COL11A2: variants seen among roughly 807,000 people sequenced by gnomAD.
The protein encoded by COL11A2 is collagen type XI alpha 2 chain.
COL11A2 carries 116 observed loss-of-function variants against 273.4 expected under a neutral mutation model. The ratio of observed to expected loss-of-function variants is 0.42; its 90% confidence interval spans 0.36 to 0.49. The LOEUF (loss-of-function observed/expected upper bound fraction) is 0.49. Among genes scored for constraint, COL11A2 ranks in the 20% least tolerant of loss-of-function variants. The pLI, the probability that COL11A2 is intolerant of heterozygous loss-of-function variation, is 0.00. For missense variants in COL11A2, 1,866 were observed against 2,309.0 expected (o/e 0.81, Z 3.93); for synonymous variants, 782 against 864.2 (o/e 0.90, Z 1.67).
Position 33,166,596 on chromosome 6 carries a change from G to A in COL11A2, c.4339-30C>T. The A allele has an allele frequency of 6.2e-7, 1 of 1,613,364 alleles. No individual in the cohort carries two copies. The highest frequency in any genetic ancestry group is 8.5e-7 in the Non-Finnish European group (1 of 1,179,696). ...GAAGGGTAGTGGCTGGTTCAACTGG[G>A]TCCTCCTCCCACACCCTCCTGAGCA... is the stretch of plus-strand genomic sequence containing the variant. On this transcript the variant is annotated intron_variant, in intron 59 of 65. Coordinates refer to ENST00000341947, the MANE Select transcript of COL11A2 (RefSeq NM_080680.3). This position sits in a 1 kb window ranked among gnomAD's most constrained non-coding sequence, Gnocchi z 4.8.
At position 33,179,287 on chromosome 6, in the gene COL11A2, G is replaced by A. The variant is rs1448336907; in HGVS notation, c.1504-3C>T. The A allele has an allele frequency of 1.2e-6, 2 of 1,609,882 alleles. No homozygotes were observed. The highest frequency in any genetic ancestry group is 2.7e-5 in the African/African-American group (2 of 74,954). The stretch of plus-strand genomic sequence containing the variant: ...AGGCCAGGGCTCCCAGGTTGGCCCT[G>A]GGAGAGAGAAGAGAGGATGGCCGTA... On this transcript the variant is annotated splice_polypyrimidine_tract_variant and splice_region_variant and intron_variant, in intron 14 of 65. Coordinates refer to ENST00000341947, the MANE Select transcript of COL11A2 (RefSeq NM_080680.3). The surrounding 1 kb of genome is among the most constrained non-coding windows in gnomAD (Gnocchi z 6.4).
Position 33,190,952 on chromosome 6 carries a change from C to T in COL11A2, c.82+1207G>A, listed in dbSNP as rs879302515. On this transcript the variant is annotated intron_variant, in intron 1 of 65. Transcript: ENST00000341947. The surrounding 1 kb of genome is among the most constrained non-coding windows in gnomAD (Gnocchi z 4.5). ...CCCCCTGTATCCAGCCTCATCTGCC[C>T]CACAGGCTCTCCACTGGTAGCCCCA... 3.3e-5 allele frequency among the ~76,000 whole-genome samples: 5 copies of T among 152,148 alleles called. No individual in the cohort carries two copies. The highest frequency in any genetic ancestry group is 7.3e-5 in the Non-Finnish European group (5 of 68,028).
In COL11A2 at chr6:33,192,419, G is replaced by A; in HGVS notation, c.-179C>T. 3.1e-6 allele frequency: 2 copies of A among 648,892 alleles called. No individual in the cohort carries two copies. Among genetic ancestry groups the A allele is most frequent in the East Asian group, 2.7e-5 (1 of 36,610 alleles). The allele number at this position is 648,892 out of a possible 1,614,324, so 40.2% of individuals were successfully genotyped here. A position where few individuals can be genotyped will look rare whatever the true frequency, so the allele number is the denominator to read the frequency against. On this transcript the variant is annotated 5_prime_UTR_variant, in exon 1 of 66. The change creates a new upstream start codon in the 5' untranslated region. Transcript: ENST00000341947. ...GCCCAGCTCCATGCAGCAAGGCGCC[G>A]TCGGGGCTCCCGGCACTGCTCCCTC...
In COL11A2 at chr6:33,191,531, T is replaced by C. The variant is rs368591143; in HGVS notation, c.82+628A>G. On this transcript the variant is annotated intron_variant, in intron 1 of 65. Transcript: ENST00000341947. ...AGAGGGAGGAGGGGCTAGGCAGGAA[T>C]GCAAAGAGTTGGCTCTGGCCTCAGA... Among the ~76,000 whole-genome samples, 28 of 152,292 alleles carry C rather than the reference T, an allele frequency of 1.8e-4. 1 individual carries two copies. Among genetic ancestry groups the C allele is most frequent in the East Asian group, 9.7e-4 (5 of 5,176 alleles).
rs1769145567 is a variant in COL11A2, at chr6:33,166,363, G to A, written c.4392+150C>T. ...AGGACATTCAGAGCCCTGGAAGTAT[G>A]GGGAGGAGGTACTGGTGGTGACAGG... On this transcript the variant is annotated intron_variant, in intron 60 of 65. Coordinates refer to ENST00000341947, the MANE Select transcript of COL11A2 (RefSeq NM_080680.3). This position sits in a 1 kb window ranked among gnomAD's most constrained non-coding sequence, Gnocchi z 4.8. 3.3e-6 allele frequency: 4 copies of A among 1,221,086 alleles called. No individual in the cohort carries two copies. The highest frequency in any genetic ancestry group is 3.0e-5 in the African/African-American group (2 of 66,692). The allele number at this position is 1,221,086 out of a possible 1,614,324, so 75.6% of individuals were successfully genotyped here.
chr6:33,174,143 G>C lies in COL11A2; in HGVS notation c.2484+22C>G, dbSNP rs2744512. Reference sequence around the variant, plus strand: ...ACCTCTCCAGCCCTTCCCTTCTCACGCCCTCCCACCCCCCAGCTTACCCGG... The same window carrying C: ...ACCTCTCCAGCCCTTCCCTTCTCACCCCCTCCCACCCCCCAGCTTACCCGG... On this transcript the variant is annotated intron_variant, in intron 32 of 65. Transcript: ENST00000341947. The C allele has an allele frequency of 0.74, 1,187,709 of 1,597,208 alleles. 445,508 individuals carry two copies. The highest frequency in any genetic ancestry group is 0.98 in the East Asian group (42,917 of 43,740).
At chr6:33,187,179 G>GGCA (rs1772542026) in intron 4 of COL11A2, among the ~76,000 whole-genome samples, 1 of 152,206 alleles carries the variant, frequency 6.6e-6, no homozygotes, top group African/African-American at 2.4e-5. Context: ...GGCAATGCAT[G>GGCA]AGCCCTTCCA....
In COL11A2 at chr6:33,179,747, T is replaced by G; in HGVS notation, c.1418A>C (p.Gln473Pro). ...KGPVVAAQEAQAQAILQQARL... is the reference protein window; with the variant it reads ...KGPVVAAQEAPAQAILQQARL... ...CGCCTGCTGCAGGATCGCCTGGGCCTGAGCCTCCTGGGCCGCCACCACAGG... is the reference window on the plus strand; with the variant it reads ...CGCCTGCTGCAGGATCGCCTGGGCCGGAGCCTCCTGGGCCGCCACCACAGG... Residue 473 changes from glutamine to proline, a missense_variant, in exon 13 of 66, where the codon CAG becomes CCG. Gln to Pro is a moderately conservative substitution (Grantham distance 76). Coordinates refer to ENST00000341947, the MANE Select transcript of COL11A2 (RefSeq NM_080680.3). This position sits in a 1 kb window ranked among gnomAD's most constrained non-coding sequence, Gnocchi z 6.4. The G allele has an allele frequency of 6.2e-7, 1 of 1,612,208 alleles. No individual in the cohort carries two copies. Among genetic ancestry groups the G allele is most frequent in the South Asian group, 1.1e-5 (1 of 91,084 alleles).
Position 33,173,896 on chromosome 6 carries a change from C to T in COL11A2, c.2560G>A (p.Ala854Thr), listed in dbSNP as rs371864924. Residue 854 changes from alanine to threonine, a missense_variant, in exon 34 of 66, where the codon GCC becomes ACC. Ala to Thr is a moderately conservative substitution (Grantham distance 58). Transcript: ENST00000341947. The surrounding 1 kb of genome is among the most constrained non-coding windows in gnomAD (Gnocchi z 6.3). ...GPRGQRGPRG[A>T]TGKSGAKGTS... ...ACCTTAGCTCCAGACTTCCCAGTGG[C>T]ACCTCGGGGTCCCCGCTGACCCCGT... 90 of 1,613,934 alleles carry T rather than the reference C, an allele frequency of 5.6e-5. No homozygotes were observed. The highest frequency in any genetic ancestry group is 7.3e-5 in the Non-Finnish European group (86 of 1,179,972).
In COL11A2 at chr6:33,179,847, GCCATGGGACCCTC is replaced by G; in HGVS notation, c.1360-55_1360-43del. The G allele has an allele frequency of 6.4e-7, 1 of 1,574,444 alleles. No individual in the cohort carries two copies. The highest frequency in any genetic ancestry group is 8.7e-7 in the Non-Finnish European group (1 of 1,152,762). On this transcript the variant is annotated intron_variant, in intron 12 of 65. Transcript: ENST00000341947. The surrounding 1 kb of genome is among the most constrained non-coding windows in gnomAD (Gnocchi z 6.4). Reference sequence around the variant, plus strand: ...AAGGTCCAGGTTCTCTTCCAAGAAAGCCATGGGACCCTCCCAGCCAGAGGCTTTCTCCAGCGTT... The same window carrying G: ...AAGGTCCAGGTTCTCTTCCAAGAAAGCCAGCCAGAGGCTTTCTCCAGCGTT...
In COL11A2 at chr6:33,170,893, G is replaced by A. The variant is rs746900226; in HGVS notation, c.3391C>T (p.Arg1131Trp). The A allele has an allele frequency of 9.9e-6, 16 of 1,612,672 alleles. No homozygotes were observed. The highest frequency in any genetic ancestry group is 2.7e-5 in the African/African-American group (2 of 74,822). The change falls in exon 46 of 66, where the codon CGG becomes TGG. Residue 1131 changes from arginine (R) to tryptophan (W), a missense_variant. Arg to Trp is a moderately radical substitution (Grantham distance 101, BLOSUM62 -3). Transcript: ENST00000341947. The surrounding 1 kb of genome is among the most constrained non-coding windows in gnomAD (Gnocchi z 4.3). Reference sequence around the variant, plus strand: ...GCTCCAAAGTGTCCCTGGGGTCCCCGAGCTCCGGGCTCCCCATCTGCTCCC... The same window carrying A: ...GCTCCAAAGTGTCCCTGGGGTCCCCAAGCTCCGGGCTCCCCATCTGCTCCC... Reference protein sequence around the residue: ...AAGADGEPGARGPQGHFGAKG... With the variant: ...AAGADGEPGAWGPQGHFGAKG...
In COL11A2 at chr6:33,174,591, A is replaced by C; in HGVS notation, c.2377-11T>G. ...AACACCCAGCTTGCCCTGTGGAGGG[A>C]CAGGAAGCAGTTAGGAGTGAGAGGA... is the stretch of plus-strand genomic sequence containing the variant. On this transcript the variant is annotated splice_polypyrimidine_tract_variant and intron_variant, in intron 30 of 65. Coordinates refer to ENST00000341947, the MANE Select transcript of COL11A2 (RefSeq NM_080680.3). The C allele has an allele frequency of 6.2e-7, 1 of 1,611,654 alleles. No individual in the cohort carries two copies. The highest frequency in any genetic ancestry group is 2.2e-5 in the East Asian group (1 of 44,850).
At position 33,166,021 on chromosome 6, in the gene COL11A2, A is replaced by C; in HGVS notation, c.4429-37T>G. On this transcript the variant is annotated intron_variant, in intron 61 of 65. Transcript: ENST00000341947. The surrounding 1 kb of genome is among the most constrained non-coding windows in gnomAD (Gnocchi z 4.8). ...TAAATCAGGTCATGGAGGGGTCAAGAGGTCAAGCATGGATCAAGGTCACAG... is the reference window on the plus strand; with the variant it reads ...TAAATCAGGTCATGGAGGGGTCAAGCGGTCAAGCATGGATCAAGGTCACAG... 1 of 1,613,708 alleles carries C rather than the reference A, an allele frequency of 6.2e-7. No individual in the cohort carries two copies. The highest frequency in any genetic ancestry group is 8.5e-7 in the Non-Finnish European group (1 of 1,179,838).
Position 33,167,769 on chromosome 6 carries a change from G to A in COL11A2, c.4014+30C>T. The A allele has an allele frequency of 6.2e-7, 1 of 1,612,284 alleles. No homozygotes were observed. The highest frequency in any genetic ancestry group is 8.5e-7 in the Non-Finnish European group (1 of 1,179,618). ...CTGAGGGGTGGGAGGCGGAGGGGAT[G>A]CTCCAGCACTAGGGCAGCCTGTCCC... is the stretch of plus-strand genomic sequence containing the variant. On this transcript the variant is annotated intron_variant, in intron 55 of 65. Coordinates refer to ENST00000341947, the MANE Select transcript of COL11A2 (RefSeq NM_080680.3). The surrounding 1 kb of genome is among the most constrained non-coding windows in gnomAD (Gnocchi z 6.1).
intron 9 of COL11A2, 42 bp downstream of exon 9, chr6:33,181,069 T>C: frequency 6.2e-7 from 1 of 1,614,044 alleles, no homozygotes; most frequent in Non-Finnish European, 8.5e-7. Context: ...CACTTGCTTC[T>C]CCTATTTCCA....
Position 33,185,057 on chromosome 6 carries a change from G to A in COL11A2, c.877-3C>T. ...TCCTCTTCACCTGGGGTGGGGTCCT[G>A]ACCCCAAGGAGAGAAGGAGAAGAGT... On this transcript the variant is annotated splice_region_variant and splice_polypyrimidine_tract_variant and intron_variant, in intron 6 of 65. Transcript: ENST00000341947. The A allele has an allele frequency of 6.4e-7, 1 of 1,550,402 alleles. No homozygotes were observed. The highest frequency in any genetic ancestry group is 8.7e-7 in the Non-Finnish European group (1 of 1,145,920).
Position 33,168,727 on chromosome 6 carries a change from C to G in COL11A2, c.3885G>C (p.Glu1295Asp). 2 of 1,594,300 alleles carry G rather than the reference C, an allele frequency of 1.3e-6. No individual in the cohort carries two copies. Among genetic ancestry groups the G allele is most frequent in the South Asian group, 2.3e-5 (2 of 88,224 alleles). ...TCACAGGCTGTCCTGGCTCACCATC[C>G]TCGCCTCGGTCACCCTTAGCACCAT... ...GQDGAKGDRG[E>D]DGEPGQPGSP... Residue 1295 changes from glutamate (E) to aspartate (D), a missense_variant, in exon 53 of 66, where the codon GAG becomes GAC. Transcript: ENST00000341947.
Position 33,170,536 on chromosome 6 carries a change from G to T in COL11A2, c.3528+21C>A. ...GGGGGTGACTAGTATGGTGGCTAGG[G>T]TCAGTAGGGGTCACACTCACCATAG... is the stretch of plus-strand genomic sequence containing the variant. On this transcript the variant is annotated intron_variant, in intron 47 of 65. Coordinates refer to ENST00000341947, the MANE Select transcript of COL11A2 (RefSeq NM_080680.3). This position sits in a 1 kb window ranked among gnomAD's most constrained non-coding sequence, Gnocchi z 4.3. 1.2e-6 allele frequency: 2 copies of T among 1,611,974 alleles called. No individual in the cohort carries two copies. Among genetic ancestry groups the T allele is most frequent in the Non-Finnish European group, 1.7e-6 (2 of 1,179,680 alleles).
In COL11A2 at chr6:33,173,153, T is replaced by C. The variant is rs1169040177; in HGVS notation, c.2737-40A>G. On this transcript the variant is annotated intron_variant, in intron 37 of 65. Transcript: ENST00000341947. This position sits in a 1 kb window ranked among gnomAD's most constrained non-coding sequence, Gnocchi z 6.3. ...GAGGAGAATGCAGTGAAAGCAGGTG[T>C]GGGCGCTGTGGGGCAGATTCCCAGG... 4.4e-6 allele frequency: 7 copies of C among 1,592,552 alleles called. No individual in the cohort carries two copies. The highest frequency in any genetic ancestry group is 1.8e-5 in the Admixed American group (1 of 57,078).
Sources: allele counts gnomAD v4.1 joint callset (sites outside exome capture counted in the v4.1 genomes callset), GRCh38; gene constraint gnomAD v4.1.1; non-coding constraint Gnocchi (gnomAD v3.1); transcripts MANE v1.5; gene names NCBI Gene and HGNC (gene_info 2026-07-23, HGNC 2026-07-21).